The following GIGYF2 variants were observed in gnomAD, a reference collection of about 807,000 sequenced individuals.
The protein encoded by GIGYF2 is GRB10-interacting GYF protein 2.
GIGYF2 carries 25 observed loss-of-function variants against 208.1 expected under a neutral mutation model. The ratio of observed to expected loss-of-function variants is 0.12; its 90% CI spans 0.09 to 0.17. GIGYF2 has a LOEUF of 0.17. GIGYF2 is among the 10% of genes least tolerant of loss of function. The pLI is 1.00. For synonymous variants in GIGYF2, 534 were observed against 543.8 expected (o/e 0.98, Z 0.25); for missense variants, 1,302 against 1,579.4 (o/e 0.82, Z 2.98).
chr2:232,822,574 G>A (rs1337083367), intron 21 of GIGYF2, among the ~76,000 whole-genome samples: 1 of 152,158 alleles, frequency 6.6e-6, no homozygotes, highest in African/African-American at 2.4e-5. Context: ...CCAGTTACTT[G>A]GGTGGCTGAG....
chr2:232,835,426 G>A (rs1389950920), intron 22 of GIGYF2, among the ~76,000 whole-genome samples: 2 of 152,114 alleles, frequency 1.3e-5, no homozygotes, highest in African/African-American at 2.4e-5. Context: ...TATAACATAT[G>A]CGAAGTCTTT....
intron 8 of GIGYF2, among the ~76,000 whole-genome samples, chr2:232,783,583 G>A (rs1477615617): frequency 3.9e-5 from 6 of 152,026 alleles, no homozygotes; most frequent in Admixed American, 3.3e-4. Flanking sequence ...AACAATACTT[G>A]TTCAGAAATT....
intron 22 of GIGYF2, among the ~76,000 whole-genome samples, chr2:232,835,592 T>G (rs563161824): frequency 1.1e-4 from 16 of 152,306 alleles, no homozygotes; most frequent in African/African-American, 3.4e-4. Flanking sequence ...TCTGGGTATC[T>G]CCACCCGCCC....
intron 2 of GIGYF2, among the ~76,000 whole-genome samples, chr2:232,704,589 G>A (rs137974285): frequency 9.2e-5 from 14 of 151,946 alleles, no homozygotes; most frequent in Non-Finnish European, 1.8e-4. Flanking sequence ...TAGAAATGGG[G>A]TTTTGCCGTG....
At chr2:232,800,008 A>G (rs552821145) in intron 14 of GIGYF2, among the ~76,000 whole-genome samples, 1 of 149,312 alleles carries the variant, frequency 6.7e-6, no homozygotes, top group African/African-American at 2.5e-5. Flanking sequence ...TTAGTTCTCT[A>G]TATATTCTGG....
rs1181850669 is a variant in GIGYF2, at chr2:232,735,603, G to T, written c.41+365G>T. The T allele has an allele frequency of 5.9e-6, 3 of 511,424 alleles. No homozygotes were observed. The African/African-American group carries it at 6.2e-5, about 11-fold the overall frequency. The allele number at this position is 511,424 out of a possible 1,614,324, so 31.7% of individuals were successfully genotyped here. A position where few individuals can be genotyped will look rare whatever the true frequency, so the allele number is the denominator to read the frequency against. On this transcript the variant is annotated intron_variant, in intron 3 of 28. Coordinates refer to ENST00000373563, the MANE Select transcript of GIGYF2 (RefSeq NM_001103146.3). Reference sequence around the variant, plus strand: ...TCTGCTACATTGTTTTATCATTGCTGTTCATAGATTGATTTGAGAAATAGT... The same window carrying T: ...TCTGCTACATTGTTTTATCATTGCTTTTCATAGATTGATTTGAGAAATAGT...
intron 28 of GIGYF2, among the ~76,000 whole-genome samples, chr2:232,855,080 C>CTTTTTTTTTTTTTTTT (rs201395041): frequency 3.7e-5 from 4 of 109,188 alleles, no homozygotes; most frequent in East Asian, 2.7e-4. Context: ...CTTTTTCTTT[C>CTTTTTTTTTTTTTTTT]TTTTTTTTTT....
chr2:232,747,508 C>A (rs1698188452), intron 3 of GIGYF2, 107 bp from the exon 4 acceptor site: 1 of 1,201,296 alleles, frequency 8.3e-7, no homozygotes, highest in African/African-American at 1.5e-5. Flanking sequence ...AGTAGGATTT[C>A]TTTTTGCTCT....
intron 15 of GIGYF2, 109 bp from the exon 16 acceptor site, chr2:232,809,611 G>A: frequency 1.3e-6 from 1 of 743,866 alleles, no homozygotes; most frequent in Admixed American, 1.9e-5. Context: ...GTAGAGCTGG[G>A]AGGTAAAGGT....
intron 22 of GIGYF2, among the ~76,000 whole-genome samples, chr2:232,834,174 C>T (rs1018121186): frequency 3.9e-5 from 6 of 152,054 alleles, no homozygotes; most frequent in African/African-American, 1.4e-4. Context: ...GTCTGCAGTG[C>T]GCAGTAAGGT....
chr2:232,814,107 A>G (rs1392292358), intron 18 of GIGYF2, among the ~76,000 whole-genome samples: 1 of 151,412 alleles, frequency 6.6e-6, no homozygotes, highest in Non-Finnish European at 1.5e-5. Context: ...GCTGATTTCA[A>G]ACTCCTGGCC....
At chr2:232,709,427 G>A (rs997556578) in intron 2 of GIGYF2, among the ~76,000 whole-genome samples, 2 of 152,202 alleles carry the variant, frequency 1.3e-5, no homozygotes, top group South Asian at 4.1e-4. Context: ...GAGCTAAAGT[G>A]ATTCTCGGGC....
Position 232,713,980 on chromosome 2 carries a change from C to T in GIGYF2, c.-44+10491C>T, listed in dbSNP as rs1466356303. On this transcript the variant is annotated intron_variant, in intron 2 of 28. Transcript: ENST00000373563. ...TTTTTTTTTTTTTGAGACGGAGTCT[C>T]GCTCTGTCACCCAGGCTGGAGTGTA... is the stretch of plus-strand genomic sequence containing the variant. Among the ~76,000 whole-genome samples the T allele has an allele frequency of 2.0e-5, 3 of 147,220 alleles. No homozygotes were observed. In the East Asian group the frequency reaches 6.0e-4, roughly 29 times the overall value.
chr2:232,781,287 T>TACACACACAC (rs3062047), intron 8 of GIGYF2, among the ~76,000 whole-genome samples: 16,509 of 126,776 alleles, frequency 0.13, 1,158 homozygotes, highest in South Asian at 0.19. Flanking sequence ...ATATCAGGAA[T>TACACACACAC]ACACACACAC....
intron 5 of GIGYF2, among the ~76,000 whole-genome samples, chr2:232,749,889 C>A (rs908119444): frequency 1.3e-5 from 2 of 151,870 alleles, no homozygotes; most frequent in African/African-American, 4.8e-5. Flanking sequence ...AAATTTTGAA[C>A]GACAAAAATG....
intron 8 of GIGYF2, among the ~76,000 whole-genome samples, chr2:232,786,019 A>G (rs1283021362): frequency 3.3e-5 from 5 of 152,238 alleles, no homozygotes; most frequent in Non-Finnish European, 7.3e-5. Flanking sequence ...ATGTTAGCAC[A>G]TGTGGAATGG....
chr2:232,730,132 T>A, intron 2 of GIGYF2: 1 of 1,497,854 alleles, frequency 6.7e-7, no homozygotes, highest in South Asian at 1.2e-5. Flanking sequence ...TCGATGTAGC[T>A]CTTGTCCGCC....
Position 232,736,880 on chromosome 2 carries a change from A to G in GIGYF2, c.41+1642A>G, listed in dbSNP as rs548117226. Among the ~76,000 whole-genome samples, 3 of 152,290 alleles carry G rather than the reference A, an allele frequency of 2.0e-5. No individual in the cohort carries two copies. The East Asian group carries it at 5.8e-4, about 29-fold the overall frequency. On this transcript the variant is annotated intron_variant, in intron 3 of 28. Transcript: ENST00000373563. The stretch of plus-strand genomic sequence containing the variant: ...TGTTTTTTTCAGCATCCTGCTGTTT[A>G]TAGGTAACAGAAAGGGAACACCAGG...
intron 28 of GIGYF2, among the ~76,000 whole-genome samples, chr2:232,851,876 A>G (rs966719281): frequency 6.6e-6 from 1 of 152,188 alleles, no homozygotes; most frequent in Non-Finnish European, 1.5e-5. Context: ...AAAAGATACC[A>G]GTGACTTGGA....
Sources: allele counts gnomAD v4.1 joint callset (sites outside exome capture counted in the v4.1 genomes callset), GRCh38; gene constraint gnomAD v4.1.1; transcripts MANE v1.5; gene names NCBI Gene and HGNC (gene_info 2026-07-23, HGNC 2026-07-21).